SESN1: variants seen among roughly 807,000 people sequenced by gnomAD.
The protein encoded by SESN1 is sestrin-1.
In SESN1, 30 loss-of-function variants were observed where a neutral mutation model predicts 59.3. That is an observed-to-expected ratio of 0.51 (90% CI 0.38 to 0.69). The LOEUF is 0.69. SESN1 is among the 30% of genes least tolerant of loss of function. The pLI is 0.00. For synonymous variants in SESN1, 197 were observed against 219.9 expected (o/e 0.90, Z 0.92); for missense variants, 566 against 673.0 (o/e 0.84, Z 1.76).
At chr6:109,028,467 A>C (rs1163947848) in intron 1 of SESN1, among the ~76,000 whole-genome samples, 1 of 152,124 alleles carries the variant, frequency 6.6e-6, no homozygotes, top group African/African-American at 2.4e-5. Flanking sequence ...GTACATTTGC[A>C]TGTATGTATG....
chr6:109,033,436 A>G (rs1436914095), intron 1 of SESN1, among the ~76,000 whole-genome samples: 1 of 152,214 alleles, frequency 6.6e-6, no homozygotes, highest in Non-Finnish European at 1.5e-5. Flanking sequence ...GTTTTGATGG[A>G]GATGCTTATC....
rs924108490 is a variant in SESN1, at chr6:108,986,266, G to A, written c.*1278C>T. On this transcript the variant is annotated 3_prime_UTR_variant, in exon 10 of 10. Coordinates refer to ENST00000436639, the MANE Select transcript of SESN1 (RefSeq NM_014454.3). ...ACCAGTCATTTCCAAGATAAAAATGGTCTCAGATAAGATTCTAAAGAAAGT... is the reference window on the plus strand; with the variant it reads ...ACCAGTCATTTCCAAGATAAAAATGATCTCAGATAAGATTCTAAAGAAAGT... Among the ~76,000 whole-genome samples the A allele has an allele frequency of 6.6e-6, 1 of 152,156 alleles. No individual in the cohort carries two copies. Among genetic ancestry groups the A allele is most frequent in the Admixed American group, 6.5e-5 (1 of 15,278 alleles).
At chr6:108,989,417 A>C (rs1049551538) in intron 8 of SESN1, among the ~76,000 whole-genome samples, 2 of 148,096 alleles carry the variant, frequency 1.4e-5, no homozygotes, top group African/African-American at 4.9e-5. Context: ...ATATCTCTAG[A>C]TCTAGAGATA....
At chr6:109,062,329 T>C (rs1287668514) in intron 1 of SESN1, among the ~76,000 whole-genome samples, 1 of 152,150 alleles carries the variant, frequency 6.6e-6, no homozygotes, top group Non-Finnish European at 1.5e-5. Context: ...TGAGCAAAAG[T>C]AAGCAGTAAG....
chr6:109,008,451 T>C (rs1583269831), intron 1 of SESN1, among the ~76,000 whole-genome samples: 2 of 123,458 alleles, frequency 1.6e-5, no homozygotes, highest in South Asian at 6.2e-4. Context: ...CTCAAAAAAA[T>C]ATTTGGTGCT....
At chr6:108,995,683 A>C (rs980135157) in intron 5 of SESN1, among the ~76,000 whole-genome samples, 3 of 152,218 alleles carry the variant, frequency 2.0e-5, no homozygotes, top group African/African-American at 7.2e-5. Flanking sequence ...TGGGAGACCA[A>C]GGCAGGAGAA....
At chr6:109,025,083 G>A (rs918059445) in intron 1 of SESN1, among the ~76,000 whole-genome samples, 1 of 152,040 alleles carries the variant, frequency 6.6e-6, no homozygotes, top group Non-Finnish European at 1.5e-5. Context: ...CTAGGACTTG[G>A]GAAATTGGGA....
chr6:109,032,610 T>G (rs1051385124), intron 1 of SESN1, among the ~76,000 whole-genome samples: 7 of 148,856 alleles, frequency 4.7e-5, no homozygotes, highest in Admixed American at 4.6e-4. Context: ...AGAGCAAGAC[T>G]TCATCTCGTG....
At chr6:109,060,357 A>G (rs1311317429) in intron 1 of SESN1, among the ~76,000 whole-genome samples, 1 of 152,226 alleles carries the variant, frequency 6.6e-6, no homozygotes, top group African/African-American at 2.4e-5. Flanking sequence ...TTTTGCTTAA[A>G]GCACCTGTTT....
At chr6:109,057,597 A>G (rs531325587) in intron 1 of SESN1, among the ~76,000 whole-genome samples, 2 of 152,338 alleles carry the variant, frequency 1.3e-5, no homozygotes, top group South Asian at 2.1e-4. Flanking sequence ...TCAGAAGTTC[A>G]TACTTCTCTT....
intron 1 of SESN1, chr6:109,088,096 G>C (rs1781245179): frequency 6.6e-6 from 1 of 152,100 alleles, no homozygotes; most frequent in Non-Finnish European, 1.5e-5. Context: ...AAACTGAGAG[G>C]AAGTCTGCTA....
chr6:109,066,066 G>C (rs955655849), intron 1 of SESN1, among the ~76,000 whole-genome samples: 13 of 152,068 alleles, frequency 8.5e-5, no homozygotes, highest in African/African-American at 3.1e-4. Context: ...GAATACAATA[G>C]TTCCTGGTTC....
chr6:109,013,097 AGGG>A (rs1562460002), intron 1 of SESN1, among the ~76,000 whole-genome samples: 1 of 151,430 alleles, frequency 6.6e-6, no homozygotes. Context: ...GCCTGGCAAC[AGGG>A]AAAAAAAAAA....
intron 6 of SESN1, among the ~76,000 whole-genome samples, chr6:108,993,363 C>T (rs1779430698): frequency 6.6e-6 from 1 of 152,174 alleles, no homozygotes; most frequent in Admixed American, 6.5e-5. Flanking sequence ...GTGCTGCCTG[C>T]ACTGTGACTA....
chr6:109,009,568 C>G (rs890936385), intron 1 of SESN1: 1 of 1,104,602 alleles, frequency 9.1e-7, no homozygotes, highest in Non-Finnish European at 1.1e-6. Context: ...GGGGGCGGGG[C>G]GGCGCCGACA....
intron 1 of SESN1, among the ~76,000 whole-genome samples, chr6:109,034,447 ATTCT>A (rs1678840512): frequency 6.6e-6 from 1 of 152,200 alleles, no homozygotes; most frequent in African/African-American, 2.4e-5. Context: ...TTATTTATCA[ATTCT>A]TTGAGTATCT....
chr6:109,022,900 T>C (rs1411620770), intron 1 of SESN1, among the ~76,000 whole-genome samples: 1 of 152,304 alleles, frequency 6.6e-6, no homozygotes, highest in Middle Eastern at 3.4e-3. Flanking sequence ...TGCTGCCTGA[T>C]AATGTTTTAG....
rs566424548 is a variant in SESN1, at chr6:109,072,377, A to G, written c.279+21418T>C. 4.6e-5 allele frequency among the ~76,000 whole-genome samples: 7 copies of G among 152,326 alleles called. No individual in the cohort carries two copies. In the South Asian group the frequency reaches 1.4e-3, roughly 32 times the overall value. ...CTATAGTCAGTAGTTTACAACAAGT[A>G]TGTTGTTGAATATAACTCCAGTCCT... On this transcript the variant is annotated intron_variant, in intron 1 of 9. Transcript: ENST00000436639.
chr6:109,086,327 G>A (rs1364790821), intron 1 of SESN1, among the ~76,000 whole-genome samples: 2 of 152,108 alleles, frequency 1.3e-5, no homozygotes, highest in Non-Finnish European at 2.9e-5. Context: ...ACTCCAGCCT[G>A]GGCAACAGAG....
Sources: gnomAD v4.1 joint callset for allele counts (sites outside exome capture counted in the v4.1 genomes callset) on GRCh38, gnomAD v4.1.1 for gene constraint, MANE v1.5 for transcripts, NCBI Gene and HGNC (gene_info 2026-07-23, HGNC 2026-07-21) for gene names.